The following CCDC88A variants were observed in gnomAD, a reference collection of about 807,000 sequenced individuals.
CCDC88A encodes coiled-coil and HOOK domain protein 88A.
In CCDC88A, 54 loss-of-function variants were observed where a neutral mutation model predicts 234.3. That is an observed-to-expected ratio of 0.23 (90% CI 0.19 to 0.29). The LOEUF is 0.29. CCDC88A is among the 10% of genes least tolerant of loss of function. The pLI is 1.00. For missense variants in CCDC88A, 1,832 were observed against 2,123.4 expected, an observed-to-expected ratio of 0.86 and a Z score of 2.70; for synonymous variants, 753 against 737.8, an observed-to-expected ratio of 1.02 and a Z score of -0.33.
At chr2:55,374,986 T>C (rs1403735561) in intron 3 of CCDC88A, 103 bp from the exon 4 acceptor site, 4 of 659,626 alleles carry the variant, frequency 6.1e-6, no homozygotes, top group Non-Finnish European at 1.1e-5. Context: ...AGGTGTGCTA[T>C]ATTGCAATTA....
At chr2:55,378,140 T>C (rs1223003430) in intron 3 of CCDC88A, among the ~76,000 whole-genome samples, 1 of 152,322 alleles carries the variant, frequency 6.6e-6, no homozygotes, top group East Asian at 1.9e-4. Context: ...TAATCTTCAA[T>C]GTGGTCCACT....
chr2:55,400,016 A>T (rs1430976618), intron 2 of CCDC88A, among the ~76,000 whole-genome samples: 1 of 152,174 alleles, frequency 6.6e-6, no homozygotes, highest in Non-Finnish European at 1.5e-5. Flanking sequence ...GTATGGTATG[A>T]CTCCAGAATG....
chr2:55,350,706 C>G (rs1420839632), intron 8 of CCDC88A: 1 of 152,012 alleles, frequency 6.6e-6, no homozygotes, highest in Non-Finnish European at 1.5e-5. Context: ...GACGCCCAAG[C>G]TGGAGTGCAG....
chr2:55,355,380 C>A, intron 8 of CCDC88A, 199 bp downstream of exon 8: 1 of 522,470 alleles, frequency 1.9e-6, no homozygotes, highest in Non-Finnish European at 3.4e-6. Context: ...CTAGAAAGGC[C>A]ATAAATCCAG....
At position 55,312,831 on chromosome 2, in the gene CCDC88A, C is replaced by T. The variant is rs560993921; in HGVS notation, c.3934-252G>A. ...TCTAATATATAATATATTATCTACT[C>T]CCCAAACACTGCTTTCTGTCTTTAA... On this transcript the variant is annotated intron_variant, in intron 22 of 32. Coordinates refer to ENST00000436346, the MANE Select transcript of CCDC88A (RefSeq NM_001365480.1). 48 of 266,690 alleles carry T rather than the reference C, an allele frequency of 1.8e-4. No individual in the cohort carries two copies. The South Asian group carries it at 3.9e-3, about 22-fold the overall frequency. 16.5% of individuals were successfully genotyped at this position (266,690 alleles called of 1,614,324 possible). A position where few individuals can be genotyped will look rare whatever the true frequency, so the allele number is the denominator to read the frequency against.
At chr2:55,346,138 G>GA (rs745634746) in intron 10 of CCDC88A, 37 bp downstream of exon 10, 1,747 of 1,455,362 alleles carry the variant, frequency 1.2e-3, no homozygotes, top group Non-Finnish European at 1.3e-3. Context: ...TTCTAACACA[G>GA]AAAAAAAAAT....
chr2:55,367,528 G>GTTTTTTTTTTTTTTGTTTTTTTT, intron 5 of CCDC88A, among the ~76,000 whole-genome samples: 1 of 99,890 alleles, frequency 1.0e-5, no homozygotes, highest in African/African-American at 4.3e-5. Flanking sequence ...TTATTTCCTT[G>GTTTTTTTTTTTTTTGTTTTTTTT]TTTTTTTTTA....
At chr2:55,301,107 G>GC in intron 28 of CCDC88A, 99 bp downstream of exon 28, 1 of 708,898 alleles carries the variant, frequency 1.4e-6, no homozygotes, top group East Asian at 2.7e-5. Flanking sequence ...GAGAAAACAT[G>GC]CTTGCTGGCA....
chr2:55,339,770 A>C (rs1668248764), intron 12 of CCDC88A, 122 bp from the exon 13 acceptor site: 1 of 669,568 alleles, frequency 1.5e-6, no homozygotes. Flanking sequence ...CTTTATTAAA[A>C]ATTCAATGAG....
In CCDC88A at chr2:55,334,099, G is replaced by T; in HGVS notation, c.2722C>A (p.Arg908Ser). Residue 908 changes from arginine (R) to serine (S), a missense_variant, in exon 15 of 33, where the codon CGT becomes AGT. By Grantham distance (110) the Arg-to-Ser change is moderately radical (BLOSUM62 -1). Coordinates refer to ENST00000436346, the MANE Select transcript of CCDC88A (RefSeq NM_001365480.1). This position sits in a 1 kb window ranked among gnomAD's most constrained non-coding sequence, Gnocchi z 6.1. ...ATTTAGGTAAACATATTTACCTCACGTAGTGTAACCAACGTTTTTATATCA... is the reference window on the plus strand; with the variant it reads ...ATTTAGGTAAACATATTTACCTCACTTAGTGTAACCAACGTTTTTATATCA... ...TIDIKTLVTL[R>S]EDLVSEKLKT... The T allele has an allele frequency of 7.9e-7, 1 of 1,270,318 alleles. No individual in the cohort carries two copies. The highest frequency in any genetic ancestry group is 1.0e-6 in the Non-Finnish European group (1 of 983,344). 78.7% of individuals were successfully genotyped at this position (1,270,318 alleles called of 1,614,324 possible).
chr2:55,346,644 T>G (rs915331233), intron 9 of CCDC88A, among the ~76,000 whole-genome samples: 2 of 152,110 alleles, frequency 1.3e-5, no homozygotes, highest in Non-Finnish European at 2.9e-5. Flanking sequence ...AGTCTCAAAC[T>G]CCTGACCTCA....
rs759545961 is a variant in CCDC88A at position 55,316,123 on chromosome 2, A to G, written c.3747-9T>C. The G allele has an allele frequency of 1.8e-6, 2 of 1,139,314 alleles. No individual in the cohort carries two copies. Among genetic ancestry groups the G allele is most frequent in the South Asian group, 1.7e-5 (1 of 59,940 alleles). 70.6% of individuals were successfully genotyped at this position (1,139,314 alleles called of 1,614,324 possible). ...TATAGGTATGATTCAGCCTATAATT[A>G]GAAATCATAGAAATATAATTAGATT... On this transcript the variant is annotated splice_polypyrimidine_tract_variant and intron_variant, in intron 21 of 32. Coordinates refer to ENST00000436346, the MANE Select transcript of CCDC88A (RefSeq NM_001365480.1).
chr2:55,389,594 C>T lies in CCDC88A; in HGVS notation c.165-708G>A, dbSNP rs146175886. 2.0e-5 allele frequency among the ~76,000 whole-genome samples: 3 copies of T among 152,322 alleles called. No individual in the cohort carries two copies. In the East Asian group the frequency reaches 5.8e-4, roughly 29 times the overall value. On this transcript the variant is annotated intron_variant, in intron 2 of 32. Transcript: ENST00000436346. ...CAGTCCATTGCATTCCTAATGCCTT[C>T]AGTTCCTTCCCTAAACAGATTAGAA...
At chr2:55,370,565 T>C (rs1395755424) in intron 5 of CCDC88A, among the ~76,000 whole-genome samples, 1 of 135,402 alleles carries the variant, frequency 7.4e-6, no homozygotes, top group Admixed American at 9.1e-5. Context: ...CACCTGAACC[T>C]GGGAGGCAGA....
At chr2:55,409,392 A>C (rs1218636895) in intron 2 of CCDC88A, among the ~76,000 whole-genome samples, 1 of 152,162 alleles carries the variant, frequency 6.6e-6, no homozygotes, top group Admixed American at 6.5e-5. Flanking sequence ...CCTTTCCTCC[A>C]TGTAAATCAT....
At position 55,309,330 on chromosome 2, in the gene CCDC88A, G is replaced by A; in HGVS notation, c.4080-76C>T. The A allele has an allele frequency of 1.5e-6, 1 of 655,798 alleles. No individual in the cohort carries two copies. Among genetic ancestry groups the A allele is most frequent in the South Asian group, 2.1e-5 (1 of 47,304 alleles). 40.6% of individuals were successfully genotyped at this position (655,798 alleles called of 1,614,324 possible). A position where few individuals can be genotyped will look rare whatever the true frequency, so the allele number is the denominator to read the frequency against. On this transcript the variant is annotated intron_variant, in intron 23 of 32. Coordinates refer to ENST00000436346, the MANE Select transcript of CCDC88A (RefSeq NM_001365480.1). The surrounding 1 kb of genome is among the most constrained non-coding windows in gnomAD (Gnocchi z 5.1). ...ATGAATATTAAATTATTTGGTGACT[G>A]TGATCTAATGTCTCCCCAAAACATA...
intron 18 of CCDC88A, among the ~76,000 whole-genome samples, chr2:55,322,315 T>A (rs1026737214): frequency 6.6e-6 from 1 of 152,102 alleles, no homozygotes; most frequent in African/African-American, 2.4e-5. Context: ...GCTACCCAAA[T>A]GCTGAGGGAA....
At chr2:55,333,947 G>A (rs1685215749) in intron 15 of CCDC88A, 147 bp downstream of exon 15, 2 of 398,164 alleles carry the variant, frequency 5.0e-6, no homozygotes, top group Admixed American at 4.5e-5. Flanking sequence ...TAGGAAACTT[G>A]GAAGCTATTT....
At chr2:55,357,170 C>T (rs996635265) in intron 7 of CCDC88A, among the ~76,000 whole-genome samples, 2 of 152,182 alleles carry the variant, frequency 1.3e-5, no homozygotes, top group Non-Finnish European at 2.9e-5. Flanking sequence ...TGATTGATTT[C>T]TCCATAATCA....
Sources: allele counts gnomAD v4.1 joint callset (sites outside exome capture counted in the v4.1 genomes callset), GRCh38; gene constraint gnomAD v4.1.1; non-coding constraint Gnocchi (gnomAD v3.1); transcripts MANE v1.5; gene names NCBI Gene and HGNC (gene_info 2026-07-23, HGNC 2026-07-21).